The following SCMH1 variants were observed in gnomAD, a reference collection of about 807,000 sequenced individuals.
SCMH1 encodes the protein Scm polycomb group protein homolog 1.
SCMH1 carries 37 observed loss-of-function variants against 70.8 expected under a neutral mutation model. The ratio of observed to expected loss-of-function variants is 0.52; its 90% CI spans 0.40 to 0.69. SCMH1 has a LOEUF of 0.69. Ranked by LOEUF, SCMH1 falls within the 30% of genes least tolerant of loss-of-function variation. The pLI is 0.00. For synonymous variants in SCMH1, 292 were observed against 307.4 expected, an observed-to-expected ratio of 0.95 and a Z score of 0.52; for missense variants, 607 against 827.3, an observed-to-expected ratio of 0.73 and a Z score of 3.27.
intron 2 of SCMH1, among the ~76,000 whole-genome samples, chr1:41,183,021 T>C (rs1649250676): frequency 1.3e-5 from 2 of 152,222 alleles, no homozygotes; most frequent in South Asian, 4.1e-4. Context: ...TTTCAGAGTA[T>C]ATTATAATAC....
At chr1:41,052,917 C>CCT (rs1553208494) in intron 10 of SCMH1, among the ~76,000 whole-genome samples, 1 of 134,804 alleles carries the variant, frequency 7.4e-6, no homozygotes, top group Admixed American at 7.5e-5. Context: ...AAATTGTAGG[C>CCT]TTTTTTTTTT....
intron 1 of SCMH1, among the ~76,000 whole-genome samples, chr1:41,197,849 C>T (rs1436579993): frequency 1.3e-5 from 2 of 152,098 alleles, no homozygotes; most frequent in Non-Finnish European, 2.9e-5. Flanking sequence ...AGATGTAGTC[C>T]TCTATCAACT....
chr1:41,102,971 T>C (rs944395325), intron 8 of SCMH1, among the ~76,000 whole-genome samples: 1 of 152,128 alleles, frequency 6.6e-6, no homozygotes, highest in African/African-American at 2.4e-5. Flanking sequence ...TCCTCTTTTT[T>C]CTTTGCTTGG....
intron 10 of SCMH1, among the ~76,000 whole-genome samples, chr1:41,061,774 A>T (rs1558545613): frequency 6.6e-6 from 1 of 152,252 alleles, no homozygotes; most frequent in South Asian, 2.1e-4. Context: ...AGCAGGATAC[A>T]TACTCTTTTG....
intron 8 of SCMH1, among the ~76,000 whole-genome samples, chr1:41,108,662 G>C (rs1459813336): frequency 6.6e-6 from 1 of 152,138 alleles, no homozygotes; most frequent in Non-Finnish European, 1.5e-5. Context: ...ACTTGGCTTA[G>C]AAAAGGAGAA....
At chr1:41,131,297 G>A (rs958353087) in intron 6 of SCMH1, among the ~76,000 whole-genome samples, 13 of 152,094 alleles carry the variant, frequency 8.5e-5, no homozygotes, top group African/African-American at 3.1e-4. Context: ...CTATAGCTTT[G>A]TAGTAAGTTT....
intron 2 of SCMH1, among the ~76,000 whole-genome samples, chr1:41,173,494 A>G (rs1229996161): frequency 6.6e-6 from 1 of 152,094 alleles, no homozygotes; most frequent in African/African-American, 2.4e-5. Context: ...AGAAAGGAGA[A>G]CTCTTATTCA....
intron 10 of SCMH1, among the ~76,000 whole-genome samples, chr1:41,069,862 A>G (rs1331667765): frequency 6.6e-6 from 1 of 152,214 alleles, no homozygotes; most frequent in Non-Finnish European, 1.5e-5. Context: ...ACATTCTAGG[A>G]TTTGATTAGA....
chr1:41,169,869 C>T (rs1646670171), intron 2 of SCMH1, among the ~76,000 whole-genome samples: 1 of 152,166 alleles, frequency 6.6e-6, no homozygotes, highest in Non-Finnish European at 1.5e-5. Context: ...CCCTTCTTCT[C>T]CCAGAGCTGA....
chr1:41,176,189 C>CAAAAAAAAAACAAAAAAAAAA (rs1647115493), intron 2 of SCMH1, among the ~76,000 whole-genome samples: 5 of 109,854 alleles, frequency 4.6e-5, no homozygotes, highest in African/African-American at 1.2e-4. Flanking sequence ...CCAAAAAAAA[C>CAAAAAAAAAACAAAAAAAAAA]AAAAAAAAAA....
intron 6 of SCMH1, among the ~76,000 whole-genome samples, chr1:41,127,039 A>C (rs987088684): frequency 6.6e-6 from 1 of 152,104 alleles, no homozygotes; most frequent in Admixed American, 6.6e-5. Flanking sequence ...TGTCTCCTCA[A>C]GCTTTGGAAT....
chr1:41,082,139 C>G (rs938056051), intron 8 of SCMH1, among the ~76,000 whole-genome samples: 1 of 152,074 alleles, frequency 6.6e-6, no homozygotes, highest in South Asian at 2.1e-4. Flanking sequence ...TTTATTAAAA[C>G]AGGACACAAA....
At chr1:41,071,689 G>A (rs1242975533) in intron 9 of SCMH1, among the ~76,000 whole-genome samples, 4 of 151,408 alleles carry the variant, frequency 2.6e-5, no homozygotes, top group Admixed American at 6.6e-5. Flanking sequence ...TTGAGACAGA[G>A]TCTTGCTCTG....
At chr1:41,052,513 G>T (rs1648567197) in intron 10 of SCMH1, among the ~76,000 whole-genome samples, 1 of 152,210 alleles carries the variant, frequency 6.6e-6, no homozygotes, top group Non-Finnish European at 1.5e-5. Context: ...TGCCAAAAAG[G>T]TTGAAGATCG....
chr1:41,186,113 A>G lies in SCMH1; in HGVS notation c.13+8T>C. On this transcript the variant is annotated splice_region_variant and intron_variant, in intron 2 of 14. Coordinates refer to ENST00000337495, the Ensembl canonical transcript of SCMH1. ...CTTACCTCCACGATAGGGTAAAAAG[A>G]TACTTACCATTAGGCTGCATAGTCA... 6.5e-7 allele frequency: 1 copy of G among 1,546,504 alleles called. No individual in the cohort carries two copies. Among genetic ancestry groups the G allele is most frequent in the Non-Finnish European group, 8.7e-7 (1 of 1,143,584 alleles).
intron 6 of SCMH1, among the ~76,000 whole-genome samples, chr1:41,141,830 C>T (rs552013037): frequency 6.7e-6 from 1 of 149,062 alleles, no homozygotes; most frequent in African/African-American, 2.4e-5. Flanking sequence ...GAGAGACAGA[C>T]AGAGACAGAC....
chr1:41,179,909 A>C (rs1368048208), intron 2 of SCMH1, among the ~76,000 whole-genome samples: 1 of 152,116 alleles, frequency 6.6e-6, no homozygotes, highest in Non-Finnish European at 1.5e-5. Context: ...GAGACACAAC[A>C]AAAAAAGAGA....
intron 8 of SCMH1, among the ~76,000 whole-genome samples, chr1:41,099,637 A>G (rs1666043237): frequency 7.2e-5 from 11 of 152,218 alleles, no homozygotes; most frequent in Admixed American, 7.2e-4. Context: ...GTTATGGGTT[A>G]TTATGAAGTT....
intron 10 of SCMH1, among the ~76,000 whole-genome samples, chr1:41,058,583 T>A (rs1330950160): frequency 6.6e-6 from 1 of 151,910 alleles, no homozygotes; most frequent in African/African-American, 2.4e-5. Flanking sequence ...GGTTTCACCG[T>A]GTTAGCCAGG....
Sources: allele counts gnomAD v4.1 joint callset (sites outside exome capture counted in the v4.1 genomes callset), GRCh38; gene constraint gnomAD v4.1.1; transcripts MANE v1.5; gene names NCBI Gene and HGNC (gene_info 2026-07-23, HGNC 2026-07-21).